TMEM178B: variants seen among roughly 807,000 people sequenced by gnomAD.
The protein encoded by TMEM178B is transmembrane protein 178B.
Under a neutral mutation model 31.0 loss-of-function variants are expected in TMEM178B, and 5 were observed. The observed-to-expected ratio is 0.16, with a 90% confidence interval of 0.08 to 0.34. The LOEUF (loss-of-function observed/expected upper bound fraction) is 0.34, where lower values mean the gene tolerates loss of function less well. Ranked by LOEUF, TMEM178B falls within the 10% of genes least tolerant of loss-of-function variation. TMEM178B has a pLI of 1.00. For missense variants in TMEM178B, 275 were observed against 400.3 expected (o/e 0.69, Z 2.67); for synonymous variants, 164 against 164.0 (o/e 1.00, Z 0.00).
chr7:141,482,047 T>G (rs1427808670), downstream of TMEM178B, among the ~76,000 whole-genome samples: 1 of 152,070 alleles, frequency 6.6e-6, no homozygotes, highest in Non-Finnish European at 1.5e-5. Context: ...CAGGAGACAT[T>G]CTGTTCTCCT....
At chr7:141,259,784 T>C (rs1797984503) in intron 2 of TMEM178B, among the ~76,000 whole-genome samples, 1 of 152,230 alleles carries the variant, frequency 6.6e-6, no homozygotes, top group Non-Finnish European at 1.5e-5. Flanking sequence ...GCCCAACACC[T>C]TAATCTGGTA....
intron 1 of TMEM178B, among the ~76,000 whole-genome samples, chr7:141,126,287 A>C (rs1303846835): frequency 6.6e-6 from 1 of 151,928 alleles, no homozygotes; most frequent in East Asian, 1.9e-4. Context: ...GCTGGGATAG[A>C]GGGTGGTGGG....
chr7:141,094,431 TTACTCTATTCTA>T (rs1563085832), intron 1 of TMEM178B, among the ~76,000 whole-genome samples: 1 of 152,222 alleles, frequency 6.6e-6, no homozygotes, highest in African/African-American at 2.4e-5. Flanking sequence ...AAAGTGAACC[TTACTCTATTCTA>T]TTTGGGTATG....
chr7:141,487,503 G>C, the TMEM178B span, among the ~76,000 whole-genome samples: 1 of 151,938 alleles, frequency 6.6e-6, no homozygotes, highest in Non-Finnish European at 1.5e-5. Flanking sequence ...ACTTTGGGAG[G>C]CCGAGGCAGG....
intron 3 of TMEM178B, among the ~76,000 whole-genome samples, chr7:141,449,512 T>C (rs1801823789): frequency 6.6e-6 from 1 of 152,060 alleles, no homozygotes; most frequent in Admixed American, 6.5e-5. Context: ...TACTACAGGG[T>C]CTAGAGCCTG....
At chr7:141,384,030 C>G (rs1049356745) in intron 2 of TMEM178B, among the ~76,000 whole-genome samples, 2 of 152,196 alleles carry the variant, frequency 1.3e-5, no homozygotes, top group African/African-American at 4.8e-5. Context: ...TGAGAAGTGT[C>G]TGTTCATGTC....
chr7:141,112,313 C>T (rs968475652), intron 1 of TMEM178B, among the ~76,000 whole-genome samples: 2 of 152,196 alleles, frequency 1.3e-5, no homozygotes, highest in African/African-American at 4.8e-5. Context: ...AGTGCAATGG[C>T]ATGACCACGG....
the TMEM178B span, among the ~76,000 whole-genome samples, chr7:141,506,033 G>C: frequency 6.6e-6 from 1 of 152,170 alleles, no homozygotes; most frequent in Non-Finnish European, 1.5e-5. Flanking sequence ...GATGACTCTG[G>C]GTCATCTCCA....
chr7:141,217,799 C>G (rs905926768), intron 2 of TMEM178B, among the ~76,000 whole-genome samples: 2 of 151,990 alleles, frequency 1.3e-5, no homozygotes, highest in Non-Finnish European at 2.9e-5. Flanking sequence ...TGTTCTCATT[C>G]TGCTTGGCGT....
chr7:141,136,127 A>G (rs1795672040), intron 1 of TMEM178B, among the ~76,000 whole-genome samples: 1 of 152,226 alleles, frequency 6.6e-6, no homozygotes, highest in Non-Finnish European at 1.5e-5. Flanking sequence ...TCTTCAAAAT[A>G]TACTACAAAA....
chr7:141,337,907 G>A (rs563417716), intron 2 of TMEM178B, among the ~76,000 whole-genome samples: 4 of 151,822 alleles, frequency 2.6e-5, no homozygotes, highest in East Asian at 3.9e-4. Flanking sequence ...ACACAATCTC[G>A]GCTCACTGCA....
chr7:141,326,408 A>T (rs1799191064), intron 2 of TMEM178B, among the ~76,000 whole-genome samples: 1 of 152,214 alleles, frequency 6.6e-6, no homozygotes, highest in South Asian at 2.1e-4. Context: ...ATTACTCATG[A>T]TAATACAGAG....
chr7:141,375,919 A>G (rs1269298837), intron 2 of TMEM178B, among the ~76,000 whole-genome samples: 4 of 152,190 alleles, frequency 2.6e-5, no homozygotes, highest in African/African-American at 9.7e-5. Flanking sequence ...GGCCTGCAGG[A>G]GTTCATATGG....
Position 141,074,511 on chromosome 7 carries a change from G to T in TMEM178B, c.201G>T (p.Ala67=). 3 of 1,536,036 alleles carry T rather than the reference G, an allele frequency of 2.0e-6. No homozygotes were observed. Among genetic ancestry groups the T allele is most frequent in the Admixed American group, 2.0e-5 (1 of 51,006 alleles). The change falls in exon 1 of 4, where the codon GCG becomes GCT. Residue 67 remains alanine, a synonymous_variant. Transcript: ENST00000565468. The surrounding 1 kb of genome is among the most constrained non-coding windows in gnomAD (Gnocchi z 5.1). ...ATAACAACAACTTGCCGCTCCGGGC[G>T]AGCCGCTCGCGCCTGGACCGCTGGG... The part of the protein sequence containing the change: ...YNNNNNLPLR[A]SRSRLDRWEG...
At chr7:141,098,253 T>C (rs1794998029) in intron 1 of TMEM178B, among the ~76,000 whole-genome samples, 1 of 152,234 alleles carries the variant, frequency 6.6e-6, no homozygotes, top group South Asian at 2.1e-4. Flanking sequence ...CACTTGAAAC[T>C]TTTGGTACTG....
chr7:141,111,283 G>A (rs562415763), intron 1 of TMEM178B, among the ~76,000 whole-genome samples: 3 of 152,140 alleles, frequency 2.0e-5, no homozygotes, highest in Non-Finnish European at 4.4e-5. Context: ...ATTCACTATC[G>A]CAAGAACAGG....
At chr7:141,177,545 GT>G (rs1165375872) in intron 1 of TMEM178B, among the ~76,000 whole-genome samples, 1 of 152,152 alleles carries the variant, frequency 6.6e-6, no homozygotes, top group African/African-American at 2.4e-5. Context: ...ACAGTGGGGT[GT>G]TAAAGTCTCC....
At chr7:141,491,378 T>A in the TMEM178B span, among the ~76,000 whole-genome samples, 1 of 152,224 alleles carries the variant, frequency 6.6e-6, no homozygotes, top group Non-Finnish European at 1.5e-5. Context: ...CTTGCCACCA[T>A]GTAGTTTATA....
chr7:141,414,031 A>G (rs1017549504), intron 2 of TMEM178B, among the ~76,000 whole-genome samples: 1 of 151,086 alleles, frequency 6.6e-6, no homozygotes, highest in Non-Finnish European at 1.5e-5. Context: ...ATACAATTTC[A>G]TGTCTAGTTT....
Sources: allele counts gnomAD v4.1 joint callset (sites outside exome capture counted in the v4.1 genomes callset), GRCh38; gene constraint gnomAD v4.1.1; non-coding constraint Gnocchi (gnomAD v3.1); transcripts MANE v1.5; gene names NCBI Gene and HGNC (gene_info 2026-07-23, HGNC 2026-07-21).